The following GRB10 variants were observed in gnomAD, a reference collection of about 807,000 sequenced individuals.
The protein encoded by GRB10 is growth factor receptor-bound protein 10.
GRB10 carries 20 observed loss-of-function variants against 80.9 expected under a neutral mutation model. That is an observed-to-expected ratio of 0.25 (90% CI 0.17 to 0.36). GRB10 has a LOEUF of 0.36. Among genes scored for constraint, GRB10 ranks in the 10% least tolerant of loss-of-function variants. The pLI, the probability that GRB10 is intolerant of heterozygous loss-of-function variation, is 1.00. For missense variants in GRB10, 548 were observed against 747.7 expected (o/e 0.73, Z 3.12); for synonymous variants, 291 against 291.5 (o/e 1.00, Z 0.02).
chr7:50,742,258 C>T (rs1019001), intron 3 of GRB10, among the ~76,000 whole-genome samples: 86,190 of 142,932 alleles, frequency 0.6, 28,025 homozygotes, highest in Middle Eastern at 0.84. Flanking sequence ...TAAACACACG[C>T]GCACGCGCGC....
chr7:50,709,462 T>C (rs1320059664), intron 4 of GRB10, among the ~76,000 whole-genome samples: 1 of 152,146 alleles, frequency 6.6e-6, no homozygotes, highest in Middle Eastern at 3.2e-3. Flanking sequence ...GTTTTGGGGA[T>C]TGCACAAATG....
At chr7:50,775,179 A>AAAAAAAAAAAAAAAAAAAAAAAAAAAC (rs1562689445) in intron 2 of GRB10, among the ~76,000 whole-genome samples, 1 of 148,606 alleles carries the variant, frequency 6.7e-6, no homozygotes, top group African/African-American at 2.5e-5. Flanking sequence ...AAAAACAAAA[A>AAAAAAAAAAAAAAAAAAAAAAAAAAAC]AAAACAGTGG....
At chr7:50,697,306 ATTT>A (rs2063559989) in intron 5 of GRB10, among the ~76,000 whole-genome samples, 1 of 152,212 alleles carries the variant, frequency 6.6e-6, no homozygotes, top group African/African-American at 2.4e-5. Context: ...TGTTTTATAT[ATTT>A]TTAATAAAGA....
chr7:50,736,447 G>C (rs944921315), intron 3 of GRB10, among the ~76,000 whole-genome samples: 5 of 152,158 alleles, frequency 3.3e-5, no homozygotes, highest in Non-Finnish European at 2.9e-5. Flanking sequence ...CTGATTTTCA[G>C]TAAGGATGCC....
chr7:50,787,500 G>T (rs1588141080), upstream of GRB10, among the ~76,000 whole-genome samples: 1 of 152,228 alleles, frequency 6.6e-6, no homozygotes, highest in Non-Finnish European at 1.5e-5. Context: ...TGACCCTTCA[G>T]ACGAAGAGAA....
intron 4 of GRB10, among the ~76,000 whole-genome samples, chr7:50,717,526 C>T (rs985435370): frequency 6.6e-6 from 1 of 152,158 alleles, no homozygotes; most frequent in Admixed American, 6.5e-5. Context: ...GAAATTTGAA[C>T]CATGTGTGGA....
At chr7:50,620,136 CT>C (rs1190255856) in intron 8 of GRB10, among the ~76,000 whole-genome samples, 2 of 152,302 alleles carry the variant, frequency 1.3e-5, no homozygotes, top group African/African-American at 2.4e-5. Flanking sequence ...TCCCAGGCAC[CT>C]CCTCAGAAAC....
At chr7:50,789,949 G>A (rs2078845784) in intron 1 of GRB10, among the ~76,000 whole-genome samples, 1 of 152,184 alleles carries the variant, frequency 6.6e-6, no homozygotes, top group South Asian at 2.1e-4. Context: ...GAGTAAGCGG[G>A]TGGTTTTAAG....
chr7:50,787,268 C>G (rs200169092), upstream of GRB10, among the ~76,000 whole-genome samples: 1 of 148,690 alleles, frequency 6.7e-6, no homozygotes, highest in African/African-American at 2.5e-5. Flanking sequence ...CTCTGGAGAG[C>G]AGGAGGAGGA....
chr7:50,639,452 G>C (rs889338614), intron 7 of GRB10, among the ~76,000 whole-genome samples: 1 of 152,042 alleles, frequency 6.6e-6, no homozygotes, highest in African/African-American at 2.4e-5. Flanking sequence ...GAAGTGGGCG[G>C]ATCACAAGGT....
intron 17 of GRB10, among the ~76,000 whole-genome samples, chr7:50,596,728 A>C (rs1389918626): frequency 6.7e-6 from 1 of 150,316 alleles, no homozygotes; most frequent in Non-Finnish European, 1.5e-5. Flanking sequence ...AAGAAAAAAC[A>C]GTAACTAAGA....
At chr7:50,725,970 C>T (rs2068576210) in intron 4 of GRB10, 1 of 152,194 alleles carries the variant, frequency 6.6e-6, no homozygotes, top group East Asian at 1.9e-4. Flanking sequence ...CGCCTGATCC[C>T]TGATCTATCC....
intron 7 of GRB10, among the ~76,000 whole-genome samples, chr7:50,655,902 T>G (rs1430214467): frequency 6.6e-6 from 1 of 152,208 alleles, no homozygotes; most frequent in African/African-American, 2.4e-5. Context: ...TCGGCCCCAC[T>G]GATAGCTCTC....
chr7:50,597,176 G>C (rs1167469509), intron 17 of GRB10, among the ~76,000 whole-genome samples: 1 of 152,208 alleles, frequency 6.6e-6, no homozygotes. Context: ...TAACTGCCTA[G>C]CAGTTTTCCA....
chr7:50,790,993 C>T (rs753317739), intron 1 of GRB10, among the ~76,000 whole-genome samples: 3 of 152,300 alleles, frequency 2.0e-5, no homozygotes, highest in Admixed American at 6.5e-5. Flanking sequence ...GTCAGGGCTG[C>T]CCTTGGTCCC....
rs2078192585 is a variant in GRB10, at chr7:50,780,732, C to G, written c.-322G>C. On this transcript the variant is annotated 5_prime_UTR_variant, in exon 2 of 19. Coordinates refer to ENST00000401949, the MANE Select transcript of GRB10 (RefSeq NM_001350814.2). ...TGAGAATTATCAGAATGCAGCCTCCCAAGTCTGAAAGAAAGGTAAAACCAT... is the reference window on the plus strand; with the variant it reads ...TGAGAATTATCAGAATGCAGCCTCCGAAGTCTGAAAGAAAGGTAAAACCAT... The G allele has an allele frequency of 6.6e-6, 1 of 152,182 alleles. No homozygotes were observed. 9.4% of individuals were successfully genotyped at this position (152,182 alleles called of 1,614,324 possible). A position where few individuals can be genotyped will look rare whatever the true frequency, so the allele number is the denominator to read the frequency against.
rs1159680672 is a variant in GRB10 at position 50,614,790 on chromosome 7, C to T, written c.1075G>A (p.Asp359Asn). 6.2e-7 allele frequency: 1 copy of T among 1,613,464 alleles called. No individual in the cohort carries two copies. Among genetic ancestry groups the T allele is most frequent in the African/African-American group, 1.3e-5 (1 of 74,900 alleles). The stretch of plus-strand genomic sequence containing the variant: ...GGTACCTTTATGCAGAGCCCGTGGT[C>T]TGTAGGGGCGTTGTACTGCTTCCTG... The part of the protein sequence containing the change: ...AGRKQYNAPT[D>N]HGLCIKPNKV... Residue 359 changes from aspartate to asparagine, a missense_variant, in exon 12 of 19, where the codon GAC (aspartate) becomes AAC (asparagine). Physicochemically the swap from Asp to Asn is conservative, Grantham distance 23. Around this residue, in one of 4 missense-constraint regions of GRB10, gnomAD observed 270 missense variants for 433.6 expected, o/e 0.62. Transcript: ENST00000401949.
chr7:50,780,136 T>C (rs1236455707), intron 2 of GRB10, among the ~76,000 whole-genome samples: 1 of 152,086 alleles, frequency 6.6e-6, no homozygotes, highest in Non-Finnish European at 1.5e-5. Context: ...AAGAAATGTG[T>C]CTCCTGAACA....
Position 50,592,316 on chromosome 7 carries a change from T to G in GRB10, c.*636A>C, listed in dbSNP as rs1563082097. 1.9e-5 allele frequency: 3 copies of G among 156,616 alleles called. No homozygotes were observed. Among genetic ancestry groups the G allele is most frequent in the Non-Finnish European group, 4.2e-5 (3 of 70,760 alleles). The allele number at this position is 156,616 out of a possible 1,614,324, so 9.7% of individuals were successfully genotyped here. A position where few individuals can be genotyped will look rare whatever the true frequency, so the allele number is the denominator to read the frequency against. ...CCAAATGCCTACCACAGTGACACCT[T>G]TTATTTTAACAAGAAAGCTTTTCAA... On this transcript the variant is annotated 3_prime_UTR_variant, in exon 19 of 19. Coordinates refer to ENST00000401949, the MANE Select transcript of GRB10 (RefSeq NM_001350814.2).
Sources: allele counts gnomAD v4.1 joint callset (sites outside exome capture counted in the v4.1 genomes callset), GRCh38; gene constraint gnomAD v4.1.1; regional missense constraint gnomAD v4.1.1; transcripts MANE v1.5; gene names NCBI Gene and HGNC (gene_info 2026-07-23, HGNC 2026-07-21).